The following DIAPH2 variants were observed in gnomAD, a reference collection of about 807,000 sequenced individuals.
DIAPH2 encodes the protein protein diaphanous homolog 2.
DIAPH2 carries 35 observed loss-of-function variants against 92.7 expected under a neutral mutation model. The ratio of observed to expected loss-of-function variants is 0.38; its 90% CI spans 0.29 to 0.50. The LOEUF (loss-of-function observed/expected upper bound fraction) is 0.50, where lower values mean the gene tolerates loss of function less well. Ranked by LOEUF, DIAPH2 falls within the 20% of genes least tolerant of loss-of-function variation. The pLI, the probability that DIAPH2 is intolerant of heterozygous loss-of-function variation, is 0.94. For synonymous variants in DIAPH2, 301 were observed against 280.4 expected (o/e 1.07, Z -0.73); for missense variants, 701 against 819.5 (o/e 0.86, Z 1.77).
chrX:97,189,890 C>A (rs2067638360), intron 22 of DIAPH2, among the ~76,000 whole-genome samples: 1 of 112,645 alleles, frequency 8.9e-6, no homozygotes, highest in Non-Finnish European at 1.9e-5. Flanking sequence ...ATTGTCAACA[C>A]ATAGGCAATA....
intron 26 of DIAPH2, among the ~76,000 whole-genome samples, chrX:97,475,118 G>A (rs2070593780): frequency 8.9e-6 from 1 of 111,775 alleles, no homozygotes; most frequent in Non-Finnish European, 1.9e-5. Context: ...GCATAATCCT[G>A]GCTGCTGCCT....
chrX:97,328,152 C>T (rs187683233), intron 23 of DIAPH2, among the ~76,000 whole-genome samples: 18 of 111,162 alleles, frequency 1.6e-4, no homozygotes, highest in African/African-American at 4.9e-4. Context: ...AGCTTCTTAA[C>T]GGCCAGGCGG....
chrX:97,466,954 G>C (rs1321410247), intron 26 of DIAPH2, among the ~76,000 whole-genome samples: 1 of 112,277 alleles, frequency 8.9e-6, no homozygotes, highest in Non-Finnish European at 1.9e-5. Context: ...TATGTAAGAA[G>C]TGAAAAGTAT....
chrX:97,020,391 A>T (rs1181107833), intron 17 of DIAPH2, among the ~76,000 whole-genome samples: 1 of 112,059 alleles, frequency 8.9e-6, no homozygotes, highest in Non-Finnish European at 1.9e-5. Context: ...CTAATTAGCA[A>T]TGCGGTAGCC....
At chrX:97,447,472 T>G (rs1453614507) in intron 26 of DIAPH2, among the ~76,000 whole-genome samples, 1 of 111,900 alleles carries the variant, frequency 8.9e-6, no homozygotes, top group Non-Finnish European at 1.9e-5. Flanking sequence ...CTATTGCTTC[T>G]TTGTCAACTT....
intron 25 of DIAPH2, among the ~76,000 whole-genome samples, chrX:97,425,863 A>G (rs1431422097): frequency 9.2e-6 from 1 of 108,456 alleles, no homozygotes; most frequent in African/African-American, 3.4e-5. Flanking sequence ...TTACTTGTCA[A>G]TTAAAAATTC....
chrX:97,153,394 C>A (rs1602378087), intron 22 of DIAPH2, among the ~76,000 whole-genome samples: 1 of 110,497 alleles, frequency 9.1e-6, no homozygotes, highest in Non-Finnish European at 1.9e-5. Context: ...ACGAGCCTGG[C>A]CAACATGGTG....
intron 25 of DIAPH2, among the ~76,000 whole-genome samples, chrX:97,420,668 C>A (rs181636870): frequency 9.0e-6 from 1 of 111,176 alleles, no homozygotes; most frequent in Non-Finnish European, 1.9e-5. Flanking sequence ...TAGTGGATAC[C>A]ACTGTGCAAG....
chrX:96,839,573 C>G (rs2064922344), intron 4 of DIAPH2, among the ~76,000 whole-genome samples: 1 of 111,059 alleles, frequency 9.0e-6, no homozygotes, highest in Non-Finnish European at 1.9e-5. Flanking sequence ...CAATTAAATC[C>G]CTGAAACAAT....
At chrX:97,185,478 T>TATATATATATATATATATACAC (rs2067591850) in intron 22 of DIAPH2, among the ~76,000 whole-genome samples, 1 of 2,957 alleles carries the variant, frequency 3.4e-4, no homozygotes, top group Non-Finnish European at 1.2e-3. Flanking sequence ...TATACACATA[T>TATATATATATATATATATACAC]ATATATATAT....
chrX:97,561,372 A>G (rs1433912217), intron 26 of DIAPH2, among the ~76,000 whole-genome samples: 2 of 112,574 alleles, frequency 1.8e-5, no homozygotes, highest in Middle Eastern at 4.6e-3. Flanking sequence ...ACTCAACAAC[A>G]GTAGTCTACT....
chrX:97,382,809 T>C (rs1404615043), intron 24 of DIAPH2, among the ~76,000 whole-genome samples: 1 of 112,139 alleles, frequency 8.9e-6, no homozygotes, highest in Non-Finnish European at 1.9e-5. Flanking sequence ...TAAACTGCTG[T>C]GTCTTTTAAC....
At chrX:96,777,597 G>C (rs748328672) in intron 4 of DIAPH2, among the ~76,000 whole-genome samples, 71 of 111,409 alleles carry the variant, frequency 6.4e-4, no homozygotes, top group Middle Eastern at 9.3e-3. Flanking sequence ...TGACTGGGCT[G>C]AAATGGCTGC....
intron 22 of DIAPH2, among the ~76,000 whole-genome samples, chrX:97,173,478 TAACA>T (rs367884992): frequency 6.8e-4 from 77 of 112,432 alleles, no homozygotes; most frequent in Non-Finnish European, 9.2e-4. Flanking sequence ...ATGACATATA[TAACA>T]AACAATTCCT....
At chrX:97,314,078 A>G (rs1355935060) in intron 23 of DIAPH2, among the ~76,000 whole-genome samples, 2 of 110,572 alleles carry the variant, frequency 1.8e-5, no homozygotes, top group Admixed American at 9.8e-5. Flanking sequence ...ACGTGAAAGT[A>G]AAACATTTGA....
At chrX:97,581,006 G>A (rs1456728209) in intron 26 of DIAPH2, among the ~76,000 whole-genome samples, 2 of 96,110 alleles carry the variant, frequency 2.1e-5, no homozygotes, top group African/African-American at 3.8e-5. Flanking sequence ...CTGTGGGATC[G>A]GTGGTGATAT....
intron 17 of DIAPH2, among the ~76,000 whole-genome samples, chrX:96,978,744 G>A (rs1441239901): frequency 4.5e-5 from 5 of 110,919 alleles, no homozygotes; most frequent in Non-Finnish European, 1.9e-5. Flanking sequence ...TTTTCTCACA[G>A]ATTCAGGAAT....
chrX:97,587,412 A>G lies in DIAPH2; in HGVS notation c.3242-11841A>G, dbSNP rs775031384. On this transcript the variant is annotated intron_variant, in intron 26 of 26. Coordinates refer to ENST00000324765, the MANE Select transcript of DIAPH2 (RefSeq NM_006729.5). ...ACTGGAATCCTAAAGCAGCGAAGTA[A>G]TAGAAAGCAGTCTGGCAACATTTCT... 4.5e-5 allele frequency among the ~76,000 whole-genome samples: 5 copies of G among 112,079 alleles called. No homozygotes were observed. In the East Asian group the frequency reaches 1.4e-3, roughly 31 times the overall value.
rs1038010701 is a variant in DIAPH2, at chrX:96,831,322, C to G, written c.448-50257C>G. On this transcript the variant is annotated intron_variant, in intron 4 of 26. Transcript: ENST00000324765. ...AGCTATTACTATTTAATATTGTCTT[C>G]TATGTTTACGTATTATCTGTTTCTC... Among the ~76,000 whole-genome samples, 44 of 111,642 alleles carry G rather than the reference C, an allele frequency of 3.9e-4. No homozygotes were observed. In the Admixed American group the frequency reaches 4.2e-3, roughly 11 times the overall value.
Sources: gnomAD v4.1 joint callset for allele counts (sites outside exome capture counted in the v4.1 genomes callset) on GRCh38, gnomAD v4.1.1 for gene constraint, MANE v1.5 for transcripts, NCBI Gene and HGNC (gene_info 2026-07-23, HGNC 2026-07-21) for gene names.